The following KHDRBS2 variants were observed in gnomAD, a reference collection of about 807,000 sequenced individuals.
KHDRBS2 encodes the protein KH domain-containing, RNA-binding, signal transduction-associated protein 2.
A neutral mutation model predicts 44.3 loss-of-function variants in KHDRBS2; 26 were observed. The observed-to-expected ratio is 0.59, with a 90% confidence interval of 0.43 to 0.81. KHDRBS2 has a LOEUF of 0.81. KHDRBS2 is among the 40% of genes least tolerant of loss of function. The pLI is 0.00. For missense variants in KHDRBS2, 476 were observed against 433.1 expected, an observed-to-expected ratio of 1.10 and a Z score of -0.88; for synonymous variants, 194 against 151.1, an observed-to-expected ratio of 1.28 and a Z score of -2.08.
intron 2 of KHDRBS2, among the ~76,000 whole-genome samples, chr6:62,051,432 T>G (rs530987196): frequency 6.3e-4 from 95 of 151,994 alleles, no homozygotes; most frequent in African/African-American, 2.2e-3. Context: ...AAATCCAGTG[T>G]TTTTTTAGCA....
intron 7 of KHDRBS2, among the ~76,000 whole-genome samples, chr6:61,698,485 T>C (rs1768174354): frequency 6.6e-6 from 1 of 152,138 alleles, no homozygotes; most frequent in African/African-American, 2.4e-5. Flanking sequence ...TATCTCTCAT[T>C]TAAATGAGTA....
intron 2 of KHDRBS2, among the ~76,000 whole-genome samples, chr6:62,174,470 A>C (rs1397908798): frequency 2.0e-5 from 3 of 151,728 alleles, no homozygotes; most frequent in Non-Finnish European, 4.4e-5. Flanking sequence ...TAAATTATTA[A>C]ACGTAAAGCA....
chr6:61,632,603 T>G, the KHDRBS2 span, among the ~76,000 whole-genome samples: 15 of 152,178 alleles, frequency 9.9e-5, no homozygotes, highest in African/African-American at 3.6e-4. Context: ...GGCATATTCT[T>G]GATTGCATGT....
At chr6:62,241,095 T>C (rs1834587497) in intron 1 of KHDRBS2, among the ~76,000 whole-genome samples, 1 of 152,128 alleles carries the variant, frequency 6.6e-6, no homozygotes, top group Non-Finnish European at 1.5e-5. Flanking sequence ...TAAAACATAT[T>C]TTGAAAAATG....
chr6:61,548,436 G>A, the KHDRBS2 span, among the ~76,000 whole-genome samples: 1 of 152,050 alleles, frequency 6.6e-6, no homozygotes, highest in African/African-American at 2.4e-5. Context: ...TTAAGTCTAG[G>A]ATGAGGCCTG....
chr6:61,987,929 T>C (rs534885278), intron 3 of KHDRBS2, among the ~76,000 whole-genome samples: 1 of 152,124 alleles, frequency 6.6e-6, no homozygotes, highest in African/African-American at 2.4e-5. Flanking sequence ...ATCTTCACAA[T>C]TGCACATCCA....
the KHDRBS2 span, among the ~76,000 whole-genome samples, chr6:61,588,047 C>A: frequency 6.6e-6 from 1 of 152,032 alleles, no homozygotes. Flanking sequence ...AGCCAGACAC[C>A]GTGGCAAGCA....
At chr6:61,615,842 C>T in the KHDRBS2 span, among the ~76,000 whole-genome samples, 1 of 152,152 alleles carries the variant, frequency 6.6e-6, no homozygotes, top group South Asian at 2.1e-4. Flanking sequence ...CAATACTCAA[C>T]CTACATCCTA....
chr6:62,063,203 C>T (rs200686501), intron 2 of KHDRBS2, among the ~76,000 whole-genome samples: 2 of 100,972 alleles, frequency 2.0e-5, no homozygotes, highest in African/African-American at 6.5e-5. Context: ...CAGAGGTACA[C>T]GGAGGAACTG....
chr6:61,902,848 G>A (rs1415210622), intron 4 of KHDRBS2, among the ~76,000 whole-genome samples: 1 of 151,580 alleles, frequency 6.6e-6, no homozygotes, highest in Non-Finnish European at 1.5e-5. Flanking sequence ...CTAGAAAATG[G>A]CAGGGAAGCA....
At chr6:61,725,307 G>A (rs1330636821) in intron 7 of KHDRBS2, among the ~76,000 whole-genome samples, 1 of 152,062 alleles carries the variant, frequency 6.6e-6, no homozygotes, top group Non-Finnish European at 1.5e-5. Context: ...TGTTAAGAGG[G>A]AAATTTATAG....
At chr6:61,717,067 A>T (rs1771556474) in intron 7 of KHDRBS2, among the ~76,000 whole-genome samples, 1 of 152,022 alleles carries the variant, frequency 6.6e-6, no homozygotes, top group African/African-American at 2.4e-5. Flanking sequence ...TTTTCTTGAG[A>T]GACTTGTCAT....
chr6:62,005,394 TA>T (rs1408288766), intron 3 of KHDRBS2, among the ~76,000 whole-genome samples: 1 of 151,952 alleles, frequency 6.6e-6, no homozygotes, highest in Non-Finnish European at 1.5e-5. Context: ...ACTCTCCAAT[TA>T]AAAAAATTTA....
At chr6:61,738,692 C>G (rs1240306255) in intron 6 of KHDRBS2, among the ~76,000 whole-genome samples, 2 of 151,884 alleles carry the variant, frequency 1.3e-5, no homozygotes, top group Non-Finnish European at 2.9e-5. Context: ...CATATGTTTA[C>G]AAAATGAGCC....
At chr6:61,714,792 A>G (rs1470646104) in intron 7 of KHDRBS2, among the ~76,000 whole-genome samples, 1 of 151,928 alleles carries the variant, frequency 6.6e-6, no homozygotes, top group African/African-American at 2.4e-5. Context: ...GAAATAACTT[A>G]AACACAGAAA....
At chr6:61,667,588 C>G in the KHDRBS2 span, among the ~76,000 whole-genome samples, 1 of 151,358 alleles carries the variant, frequency 6.6e-6, no homozygotes, top group Non-Finnish European at 1.5e-5. Flanking sequence ...AAAGGTAAAG[C>G]CTGGCTGCTT....
intron 4 of KHDRBS2, among the ~76,000 whole-genome samples, chr6:61,903,000 T>A (rs1268792231): frequency 6.6e-6 from 1 of 152,222 alleles, no homozygotes. Context: ...CAGCACCTGA[T>A]TATAGTGATA....
chr6:61,923,556 C>A (rs757079678), intron 4 of KHDRBS2, among the ~76,000 whole-genome samples: 5 of 151,702 alleles, frequency 3.3e-5, no homozygotes, highest in Non-Finnish European at 5.9e-5. Context: ...ATCATAATGA[C>A]AAATTAAAAA....
intron 2 of KHDRBS2, among the ~76,000 whole-genome samples, chr6:62,163,833 G>A (rs1259682253): frequency 6.6e-6 from 1 of 151,862 alleles, no homozygotes; most frequent in African/African-American, 2.4e-5. Flanking sequence ...AAAGAAAATA[G>A]CAGTTCATTC....
Sources: allele counts gnomAD v4.1 joint callset (sites outside exome capture counted in the v4.1 genomes callset), GRCh38; gene constraint gnomAD v4.1.1; transcripts MANE v1.5; gene names NCBI Gene and HGNC (gene_info 2026-07-23, HGNC 2026-07-21).